Variants in CABLES1 observed in about 807,000 individuals in gnomAD.
CABLES1 encodes Cdk5 and Abl enzyme substrate 1.
A neutral mutation model predicts 57.8 loss-of-function variants in CABLES1; 36 were observed. The ratio of observed to expected loss-of-function variants is 0.62; its 90% CI spans 0.48 to 0.82. The LOEUF (loss-of-function observed/expected upper bound fraction) is 0.82, where lower values mean the gene tolerates loss of function less well. Among genes scored for constraint, CABLES1 ranks in the 40% least tolerant of loss-of-function variants. The pLI is 0.00. For synonymous variants in CABLES1, 374 were observed against 363.0 expected, an observed-to-expected ratio of 1.03 and a Z score of -0.35; for missense variants, 767 against 836.6, an observed-to-expected ratio of 0.92 and a Z score of 1.03.
Position 23,135,812 on chromosome 18 carries a change from G to A in CABLES1, c.50G>A (p.Ser17Asn), listed in dbSNP as rs1164597305. ...AATTAACSSG[S>N]AGTDAAGASG... The stretch of plus-strand genomic sequence containing the variant: ...ACCACGGCCGCCTGCAGCAGCGGCA[G>A]CGCCGGCACCGACGCCGCGGGCGCC... The change falls in exon 1 of 10, where the codon AGC becomes AAC. Residue 17 changes from serine to asparagine, a missense_variant. Physicochemically the swap from Ser to Asn is conservative, Grantham distance 46. Transcript: ENST00000256925. 4.1e-6 allele frequency: 4 copies of A among 966,802 alleles called. No individual in the cohort carries two copies. In the South Asian group the frequency reaches 1.4e-4, roughly 34 times the overall value. 59.9% of individuals were successfully genotyped at this position (966,802 alleles called of 1,614,324 possible). A position where few individuals can be genotyped will look rare whatever the true frequency, so the allele number is the denominator to read the frequency against.
Position 23,159,230 on chromosome 18 carries a change from T to G in CABLES1, c.845+22623T>G, listed in dbSNP as rs377353804. Among the ~76,000 whole-genome samples the G allele has an allele frequency of 1.6e-3, 249 of 152,278 alleles. 3 individuals carry two copies. Among genetic ancestry groups the G allele is most frequent in the African/African-American group, 5.7e-3 (236 of 41,548 alleles). On this transcript the variant is annotated intron_variant, in intron 1 of 9. Transcript: ENST00000256925. ...TCCACCCGCCTTGGCCTCCCAAAGT[T>G]TTGGGATTACAGGCGTGAGCCACTG...
intron 4 of CABLES1, among the ~76,000 whole-genome samples, chr18:23,228,441 A>C (rs939534876): frequency 1.3e-5 from 2 of 152,202 alleles, no homozygotes; most frequent in African/African-American, 4.8e-5. Flanking sequence ...TTTGTGCTGA[A>C]GAAGCCAAAA....
At chr18:23,248,874 A>G (rs2047969425) in intron 7 of CABLES1, among the ~76,000 whole-genome samples, 1 of 152,234 alleles carries the variant, frequency 6.6e-6, no homozygotes, top group Admixed American at 6.5e-5. Context: ...ACTTACTAGA[A>G]TCATTGAGGA....
intron 3 of CABLES1, chr18:23,204,744 ACAT>A (rs1159112606): frequency 8.5e-5 from 13 of 152,536 alleles, no homozygotes; most frequent in African/African-American, 2.6e-4. Context: ...GGCAAAAAGC[ACAT>A]CTTACATGGC....
At chr18:23,173,086 C>A (rs2047094708) in intron 1 of CABLES1, among the ~76,000 whole-genome samples, 1 of 152,122 alleles carries the variant, frequency 6.6e-6, no homozygotes, top group Non-Finnish European at 1.5e-5. Context: ...AAGGAGGTTT[C>A]CTTTTTGGAG....
intron 1 of CABLES1, among the ~76,000 whole-genome samples, chr18:23,140,332 G>T (rs1042045599): frequency 6.6e-6 from 1 of 152,162 alleles, no homozygotes; most frequent in African/African-American, 2.4e-5. Flanking sequence ...TCTGGCTAGC[G>T]GACAGCTCCC....
At position 23,194,444 on chromosome 18, in the gene CABLES1, T is replaced by G. The variant is rs2047267148; in HGVS notation, c.918-4T>G. ...TGTGTTTTTGAAATGACTTTATTTT[T>G]CAGATGTCGAACTCTCTCAGGTTCA... On this transcript the variant is annotated splice_region_variant and splice_polypyrimidine_tract_variant and intron_variant, in intron 2 of 9. Transcript: ENST00000256925. The G allele has an allele frequency of 1.3e-6, 2 of 1,594,456 alleles. No homozygotes were observed. Among genetic ancestry groups the G allele is most frequent in the Admixed American group, 3.3e-5 (2 of 59,948 alleles).
At chr18:23,225,312 A>G (rs1446752938) in intron 4 of CABLES1, among the ~76,000 whole-genome samples, 5 of 152,182 alleles carry the variant, frequency 3.3e-5, no homozygotes, top group Non-Finnish European at 5.9e-5. Context: ...TTTTTCCTCA[A>G]TAGTACATGT....
chr18:23,142,171 A>G (rs1242555116), intron 1 of CABLES1, among the ~76,000 whole-genome samples: 1 of 152,176 alleles, frequency 6.6e-6, no homozygotes, highest in East Asian at 1.9e-4. Flanking sequence ...AGAATCAGGT[A>G]CAAAGTAGCA....
chr18:23,220,462 G>A (rs1598837204), intron 4 of CABLES1, among the ~76,000 whole-genome samples: 1 of 152,178 alleles, frequency 6.6e-6, no homozygotes, highest in East Asian at 1.9e-4. Context: ...GTGGGGGTAG[G>A]TGGGGGCAGG....
intron 1 of CABLES1, among the ~76,000 whole-genome samples, chr18:23,161,646 C>T (rs1395169151): frequency 6.6e-6 from 1 of 150,586 alleles, no homozygotes; most frequent in Non-Finnish European, 1.5e-5. Context: ...TGCAGTGGCT[C>T]ATGCCCGTAA....
At chr18:23,180,097 A>G (rs1365583327) in intron 1 of CABLES1, among the ~76,000 whole-genome samples, 2 of 151,292 alleles carry the variant, frequency 1.3e-5, no homozygotes, top group African/African-American at 2.4e-5. Flanking sequence ...TTTTTTTTTA[A>G]TTTTTAGTAG....
At chr18:23,256,166 A>T (rs1402208055) in intron 9 of CABLES1, among the ~76,000 whole-genome samples, 1 of 152,216 alleles carries the variant, frequency 6.6e-6, no homozygotes, top group Non-Finnish European at 1.5e-5. Context: ...GGTAGGATTT[A>T]TTTTATTAAG....
intron 1 of CABLES1, among the ~76,000 whole-genome samples, chr18:23,174,973 C>T (rs2047113083): frequency 6.6e-6 from 1 of 151,540 alleles, no homozygotes; most frequent in African/African-American, 2.4e-5. Flanking sequence ...CACGCTGCCG[C>T]CTAAGTTGAT....
chr18:23,212,668 C>T (rs1207828251), intron 3 of CABLES1, among the ~76,000 whole-genome samples: 12 of 152,146 alleles, frequency 7.9e-5, no homozygotes, highest in Admixed American at 2.0e-4. Flanking sequence ...AACCCCTGCC[C>T]GGACTCACCC....
At chr18:23,229,602 C>T (rs1403893755) in intron 4 of CABLES1, among the ~76,000 whole-genome samples, 1 of 152,176 alleles carries the variant, frequency 6.6e-6, no homozygotes, top group Admixed American at 6.5e-5. Context: ...ACAGATATTT[C>T]TATTTTTAAT....
At chr18:23,158,909 C>G (rs956448806) in intron 1 of CABLES1, among the ~76,000 whole-genome samples, 7 of 152,210 alleles carry the variant, frequency 4.6e-5, no homozygotes, top group Middle Eastern at 3.2e-3. Context: ...TCCTTTCCTT[C>G]TGCTACCTAG....
chr18:23,156,992 CTG>C (rs1388069193), intron 1 of CABLES1, among the ~76,000 whole-genome samples: 2 of 152,330 alleles, frequency 1.3e-5, no homozygotes, highest in East Asian at 1.9e-4. Context: ...AACTAGGAAT[CTG>C]TGTGTTGGGT....
rs560685885 is a variant in CABLES1 at position 23,137,208 on chromosome 18, G to C, written c.845+601G>C. ...GGGGGTGGGGAACAAAGAGGAAATAGGGCTTGAGGGATTTTTTTCCTATTC... is the reference window on the plus strand; with the variant it reads ...GGGGGTGGGGAACAAAGAGGAAATACGGCTTGAGGGATTTTTTTCCTATTC... On this transcript the variant is annotated intron_variant, in intron 1 of 9. Coordinates refer to ENST00000256925, the MANE Select transcript of CABLES1 (RefSeq NM_001100619.3). 8.5e-5 allele frequency among the ~76,000 whole-genome samples: 13 copies of C among 152,348 alleles called. 1 individual carries two copies. In the South Asian group the frequency reaches 2.5e-3, roughly 29 times the overall value.
Sources: allele counts gnomAD v4.1 joint callset (sites outside exome capture counted in the v4.1 genomes callset), GRCh38; gene constraint gnomAD v4.1.1; transcripts MANE v1.5; gene names NCBI Gene and HGNC (gene_info 2026-07-23, HGNC 2026-07-21).